RIT2: variants seen among roughly 807,000 people sequenced by gnomAD.
The protein encoded by RIT2 is GTP-binding protein Rit2.
RIT2 carries 24 observed loss-of-function variants against 23.7 expected under a neutral mutation model. The observed-to-expected ratio is 1.01, with a 90% CI of 0.73 to 1.43. RIT2 has a LOEUF of 1.43. Ranked by LOEUF, RIT2 falls within the 40% of genes most tolerant of loss-of-function variation. The probability of loss-of-function intolerance (pLI) is 0.00; values close to 1 mark genes in which losing one functional copy is unlikely to be tolerated. For synonymous variants in RIT2, 107 were observed against 91.1 expected (o/e 1.17, Z -0.99); for missense variants, 236 against 266.9 (o/e 0.88, Z 0.81).
At chr18:42,913,483 AG>A (rs1908825130) in intron 4 of RIT2, among the ~76,000 whole-genome samples, 1 of 151,940 alleles carries the variant, frequency 6.6e-6, no homozygotes, top group Admixed American at 6.6e-5. Flanking sequence ...ATATCTACAA[AG>A]GGTTGGAATC....
intron 4 of RIT2, among the ~76,000 whole-genome samples, chr18:42,807,072 G>A (rs1905703956): frequency 6.6e-6 from 1 of 152,020 alleles, no homozygotes; most frequent in Non-Finnish European, 1.5e-5. Context: ...TTTCTTTCTT[G>A]TCTGGACTTC....
intron 2 of RIT2, among the ~76,000 whole-genome samples, chr18:43,014,454 T>A (rs1758849211): frequency 6.6e-6 from 1 of 151,712 alleles, no homozygotes. Flanking sequence ...TGAAAAATGT[T>A]AAGCAGAAAG....
chr18:42,813,963 G>A (rs2143980993), intron 4 of RIT2, among the ~76,000 whole-genome samples: 1 of 152,326 alleles, frequency 6.6e-6, no homozygotes, highest in Admixed American at 6.5e-5. Flanking sequence ...TGGGGAAACT[G>A]AAGGTCTAGA....
intron 1 of RIT2, among the ~76,000 whole-genome samples, chr18:43,053,687 G>T (rs1004636252): frequency 6.6e-6 from 1 of 152,040 alleles, no homozygotes; most frequent in African/African-American, 2.4e-5. Flanking sequence ...TTATTAAAAT[G>T]TTAGGTGTTT....
rs923705522 is a variant in RIT2, at chr18:42,774,272, A to G, written c.427-30552T>C. On this transcript the variant is annotated intron_variant, in intron 4 of 4. Coordinates refer to ENST00000326695, the MANE Select transcript of RIT2 (RefSeq NM_002930.4). ...GTTTCTTTGCTTCACTTTGCTTTGCATTGCTTTTTCCCCCACTCTCCTCCC... is the reference window on the plus strand; with the variant it reads ...GTTTCTTTGCTTCACTTTGCTTTGCGTTGCTTTTTCCCCCACTCTCCTCCC... 5.3e-5 allele frequency among the ~76,000 whole-genome samples: 8 copies of G among 152,152 alleles called. No individual in the cohort carries two copies. In the East Asian group the frequency reaches 9.6e-4, roughly 18 times the overall value.
At chr18:43,094,025 A>T (rs1211318022) in intron 1 of RIT2, among the ~76,000 whole-genome samples, 1 of 151,878 alleles carries the variant, frequency 6.6e-6, no homozygotes, top group East Asian at 1.9e-4. Flanking sequence ...AAAATTCAAT[A>T]ATCTAGAAAA....
intron 4 of RIT2, among the ~76,000 whole-genome samples, chr18:42,802,386 A>G (rs1187546947): frequency 6.6e-6 from 1 of 152,190 alleles, no homozygotes; most frequent in Non-Finnish European, 1.5e-5. Context: ...AACTAAAAAT[A>G]AGAAAGTCAG....
At chr18:43,000,414 C>T (rs1184714900) in intron 2 of RIT2, among the ~76,000 whole-genome samples, 1 of 152,030 alleles carries the variant, frequency 6.6e-6, no homozygotes, top group Non-Finnish European at 1.5e-5. Flanking sequence ...GGACCAGACT[C>T]AAGGGAGATC....
At chr18:43,047,678 A>T (rs535418656) in intron 1 of RIT2, among the ~76,000 whole-genome samples, 1 of 152,300 alleles carries the variant, frequency 6.6e-6, no homozygotes, top group South Asian at 2.1e-4. Flanking sequence ...AAATGTGAAG[A>T]AAAAGGAAGA....
intron 2 of RIT2, among the ~76,000 whole-genome samples, chr18:42,986,637 G>T (rs970064522): frequency 6.6e-6 from 1 of 151,892 alleles, no homozygotes; most frequent in East Asian, 1.9e-4. Context: ...GAGTAGCTGG[G>T]ACTATAGGTG....
chr18:43,002,614 C>G lies in RIT2; in HGVS notation c.161-28467G>C, dbSNP rs556678956. Among the ~76,000 whole-genome samples the G allele has an allele frequency of 3.9e-5, 6 of 151,994 alleles. No homozygotes were observed. In the East Asian group the frequency reaches 7.8e-4, roughly 20 times the overall value. On this transcript the variant is annotated intron_variant, in intron 2 of 4. Coordinates refer to ENST00000326695, the MANE Select transcript of RIT2 (RefSeq NM_002930.4). ...AGTCCCTGCAAGGTATCCAGATGAT[C>G]ACTTGCAGGGACTAGGGCATTGATG...
chr18:42,997,904 T>G (rs1340010531), intron 2 of RIT2, among the ~76,000 whole-genome samples: 2 of 152,124 alleles, frequency 1.3e-5, no homozygotes, highest in Non-Finnish European at 2.9e-5. Flanking sequence ...GACATAGAGT[T>G]ATTTTTCCAT....
intron 4 of RIT2, among the ~76,000 whole-genome samples, chr18:42,865,699 A>T (rs1290972448): frequency 9.2e-5 from 14 of 152,192 alleles, no homozygotes; most frequent in Non-Finnish European, 1.5e-5. Flanking sequence ...TACTTGAAGC[A>T]TTGGTTATGC....
intron 2 of RIT2, among the ~76,000 whole-genome samples, chr18:43,009,858 C>G (rs968626895): frequency 6.6e-6 from 1 of 151,648 alleles, no homozygotes; most frequent in East Asian, 2.0e-4. Flanking sequence ...TTGCATGATG[C>G]ATTCATTTTC....
At chr18:42,989,536 T>C (rs1371181401) in intron 2 of RIT2, among the ~76,000 whole-genome samples, 1 of 152,176 alleles carries the variant, frequency 6.6e-6, no homozygotes, top group East Asian at 1.9e-4. Context: ...TATGGAAAAA[T>C]ATTAATGAGA....
intron 4 of RIT2, among the ~76,000 whole-genome samples, chr18:42,770,812 A>G (rs2143914609): frequency 6.6e-6 from 1 of 152,160 alleles, no homozygotes; most frequent in African/African-American, 2.4e-5. Context: ...TAAAGAAAGA[A>G]AGGAAAGAAG....
At chr18:42,905,275 T>C (rs1908581137) in intron 4 of RIT2, among the ~76,000 whole-genome samples, 1 of 152,190 alleles carries the variant, frequency 6.6e-6, no homozygotes, top group Admixed American at 6.6e-5. Context: ...GATTTGTATA[T>C]GTTAACATAG....
intron 2 of RIT2, among the ~76,000 whole-genome samples, chr18:43,025,627 T>C (rs538428117): frequency 2.2e-4 from 33 of 151,652 alleles, no homozygotes; most frequent in Admixed American, 7.2e-4. Flanking sequence ...CACACACACA[T>C]ATATATATAT....
chr18:42,891,004 C>A (rs1908158247), intron 4 of RIT2, among the ~76,000 whole-genome samples: 1 of 152,082 alleles, frequency 6.6e-6, no homozygotes, highest in Non-Finnish European at 1.5e-5. Context: ...TTGATGAATT[C>A]TTTGGGTGCA....
Sources: allele counts gnomAD v4.1 joint callset (sites outside exome capture counted in the v4.1 genomes callset), GRCh38; gene constraint gnomAD v4.1.1; transcripts MANE v1.5; gene names NCBI Gene and HGNC (gene_info 2026-07-23, HGNC 2026-07-21).